The following C1QTNF7 variants were observed in gnomAD, a reference collection of about 807,000 sequenced individuals.
C1QTNF7 encodes complement C1q tumor necrosis factor-related protein 7.
A neutral mutation model predicts 19.6 loss-of-function variants in C1QTNF7; 15 were observed. The observed-to-expected ratio is 0.76, with a 90% CI of 0.51 to 1.18. The LOEUF (loss-of-function observed/expected upper bound fraction) is 1.18, where lower values mean the gene tolerates loss of function less well. C1QTNF7 is among the 50% of genes most tolerant of loss of function. C1QTNF7 has a pLI of 0.00. For missense variants in C1QTNF7, 324 were observed against 359.7 expected (o/e 0.90, Z 0.80); for synonymous variants, 142 against 137.5 (o/e 1.03, Z -0.23).
At chr4:15,350,107 GAGGCAGGCAGGCAAGC>G (rs1441589283) in intron 1 of C1QTNF7, among the ~76,000 whole-genome samples, 3 of 117,746 alleles carry the variant, frequency 2.5e-5, no homozygotes, top group Admixed American at 8.7e-5. Context: ...GAGAGGAAGG[GAGGCAGGCAGGCAAGC>G]AGGAAAGAAG....
chr4:15,352,758 A>G (rs2109290073), intron 1 of C1QTNF7, among the ~76,000 whole-genome samples: 1 of 152,232 alleles, frequency 6.6e-6, no homozygotes, highest in East Asian at 1.9e-4. Context: ...AGCACTGTTC[A>G]TCTCCACCAT....
chr4:15,416,912 C>T lies in C1QTNF7; in HGVS notation c.14-18824C>T, dbSNP rs115453764. On this transcript the variant is annotated intron_variant, in intron 1 of 2. Coordinates refer to the C1QTNF7 transcript ENST00000295297. ...AAGTGCAGCCAACAGCCAACACTAC[C>T]TTCTTGCTTGTCTATTGCATTCTCT... Among the ~76,000 whole-genome samples, 859 of 152,312 alleles carry T rather than the reference C, an allele frequency of 5.6e-3. 5 individuals carry two copies. Among genetic ancestry groups the T allele is most frequent in the African/African-American group, 0.02 (826 of 41,570 alleles).
intron 1 of C1QTNF7, among the ~76,000 whole-genome samples, chr4:15,381,421 C>CAAAAA (rs11308911): frequency 3.2e-5 from 4 of 126,622 alleles, no homozygotes; most frequent in Non-Finnish European, 5.3e-5. Flanking sequence ...GACTCCATCT[C>CAAAAA]AAAAAAAAAA....
Position 15,422,210 on chromosome 4 carries a change from T to TTAA in C1QTNF7, c.14-13526_14-13525insTAA, listed in dbSNP as rs1491409222. On this transcript the variant is annotated intron_variant, in intron 1 of 2. Transcript: ENST00000295297. ...ATAATCTAATAAACCTGTTTTTTTT[T>TTAA]AAAAAAAAAAAAAAGGATATTGCAC... Among the ~76,000 whole-genome samples, 801 of 142,854 alleles carry TTAA rather than the reference T, an allele frequency of 5.6e-3. 4 individuals are homozygous for TTAA. Among genetic ancestry groups the TTAA allele is most frequent in the Middle Eastern group, 0.018 (5 of 278 alleles). 93.7% of individuals were successfully genotyped at this position (142,854 alleles called of 152,430 possible). A position where few individuals can be genotyped will look rare whatever the true frequency, so the allele number is the denominator to read the frequency against.
intron 1 of C1QTNF7, among the ~76,000 whole-genome samples, chr4:15,354,443 T>G (rs1238619176): frequency 1.3e-5 from 2 of 152,016 alleles, no homozygotes; most frequent in Non-Finnish European, 2.9e-5. Context: ...GTACTGGATG[T>G]GGGGAGGCCA....
intron 1 of C1QTNF7, among the ~76,000 whole-genome samples, chr4:15,382,440 C>G (rs1432656832): frequency 6.6e-6 from 1 of 152,206 alleles, no homozygotes; most frequent in Middle Eastern, 3.4e-3. Flanking sequence ...AATTCAAAGC[C>G]GTGGGTTCTT....
intron 1 of C1QTNF7, among the ~76,000 whole-genome samples, chr4:15,411,698 T>G (rs7687272): frequency 0.37 from 56,246 of 152,076 alleles, 10,577 homozygotes; most frequent in East Asian, 0.54. Context: ...CTTCCCCTGG[T>G]ATAGTAATTT....
At chr4:15,375,033 A>T (rs1389248513) in intron 1 of C1QTNF7, among the ~76,000 whole-genome samples, 2 of 151,814 alleles carry the variant, frequency 1.3e-5, no homozygotes, top group East Asian at 3.9e-4. Flanking sequence ...CTTGCCAATT[A>T]TGCTCCTTCA....
chr4:15,401,669 T>G (rs1257080014), intron 1 of C1QTNF7, among the ~76,000 whole-genome samples: 8 of 152,072 alleles, frequency 5.3e-5, no homozygotes, highest in Non-Finnish European at 1.0e-4. Flanking sequence ...ACATCGTAGT[T>G]TCTCAGAAAA....
intron 1 of C1QTNF7, among the ~76,000 whole-genome samples, chr4:15,344,936 T>A (rs752264728): frequency 2.9e-4 from 44 of 152,228 alleles, no homozygotes; most frequent in Non-Finnish European, 5.3e-4. Context: ...CTCACAGTGC[T>A]GTGAATGGTA....
Position 15,446,080 on chromosome 4 carries a change from T to TA in C1QTNF7, c.*3287dup, listed in dbSNP as rs1712990062. The TA allele has an allele frequency of 6.6e-6, 1 of 152,192 alleles. No homozygotes were observed. The allele number at this position is 152,192 out of a possible 1,614,324, so 9.4% of individuals were successfully genotyped here. ...TCATTGTGAACAGTGTTGCTTATGA[T>TA]AAAAAATAGATTCTATAAACTCTAA... On this transcript the variant is annotated 3_prime_UTR_variant, in exon 3 of 3. Transcript: ENST00000444304.
intron 1 of C1QTNF7, among the ~76,000 whole-genome samples, chr4:15,396,091 G>C (rs1167779638): frequency 6.6e-6 from 1 of 152,142 alleles, no homozygotes; most frequent in Non-Finnish European, 1.5e-5. Context: ...TTCCAAACAA[G>C]TAAGTGGATG....
In C1QTNF7 at chr4:15,341,607, T is replaced by C. The variant is rs562875107; in HGVS notation, c.13+1400T>C. Among the ~76,000 whole-genome samples, 6 of 152,340 alleles carry C rather than the reference T, an allele frequency of 3.9e-5. No homozygotes were observed. The South Asian group carries it at 1.2e-3, about 32-fold the overall frequency. ...TTATCCTTCTCTTTCCCAAATCTTC[T>C]TCTATTCTCCCTTTCCCCTCCACTT... On this transcript the variant is annotated intron_variant, in intron 1 of 2. Coordinates refer to the C1QTNF7 transcript ENST00000295297.
At chr4:15,401,760 C>G (rs1173333440) in intron 1 of C1QTNF7, among the ~76,000 whole-genome samples, 1 of 152,008 alleles carries the variant, frequency 6.6e-6, no homozygotes, top group Non-Finnish European at 1.5e-5. Flanking sequence ...CTCAGGAAAT[C>G]AATGAAATAA....
chr4:15,344,828 AC>A (rs1307777051), intron 1 of C1QTNF7, among the ~76,000 whole-genome samples: 3 of 152,162 alleles, frequency 2.0e-5, no homozygotes, highest in Non-Finnish European at 4.4e-5. Context: ...TTCGGGAGAA[AC>A]TTTTTTCCAT....
At chr4:15,348,602 G>A (rs373762738) in intron 1 of C1QTNF7, among the ~76,000 whole-genome samples, 2 of 152,292 alleles carry the variant, frequency 1.3e-5, no homozygotes, top group African/African-American at 2.4e-5. Context: ...GACTTAGGTT[G>A]CATGCCTTAC....
chr4:15,353,997 T>G (rs898761140), intron 1 of C1QTNF7, among the ~76,000 whole-genome samples: 10 of 152,106 alleles, frequency 6.6e-5, no homozygotes, highest in African/African-American at 2.4e-4. Context: ...TCAGTCAAGG[T>G]GCACTGCAGT....
intron 1 of C1QTNF7, among the ~76,000 whole-genome samples, chr4:15,395,639 G>A (rs1415143989): frequency 6.6e-6 from 1 of 152,188 alleles, no homozygotes; most frequent in Non-Finnish European, 1.5e-5. Flanking sequence ...CTGGGGGATA[G>A]TGAGAAAATA....
At chr4:15,354,913 C>A (rs1282760837) in intron 1 of C1QTNF7, among the ~76,000 whole-genome samples, 3 of 152,152 alleles carry the variant, frequency 2.0e-5, no homozygotes. Flanking sequence ...TGTTGCCTCA[C>A]CCCATTCCTG....
Sources: gnomAD v4.1 joint callset for allele counts (sites outside exome capture counted in the v4.1 genomes callset) on GRCh38, gnomAD v4.1.1 for gene constraint, MANE v1.5 for transcripts, NCBI Gene and HGNC (gene_info 2026-07-23, HGNC 2026-07-21) for gene names.